VRK2: variants seen among roughly 807,000 people sequenced by gnomAD.
The protein encoded by VRK2 is serine/threonine-protein kinase VRK2.
A neutral mutation model predicts 57.6 loss-of-function variants in VRK2; 60 were observed. That is an observed-to-expected ratio of 1.04 (90% CI 0.85 to 1.29). VRK2 has a LOEUF of 1.29. VRK2 is among the 50% of genes most tolerant of loss of function. The pLI is 0.00. For synonymous variants in VRK2, 231 were observed against 199.2 expected, an observed-to-expected ratio of 1.16 and a Z score of -1.35; for missense variants, 705 against 588.1, an observed-to-expected ratio of 1.20 and a Z score of -2.06.
At chr2:58,114,150 GAGA>G (rs1320851721) in intron 7 of VRK2, among the ~76,000 whole-genome samples, 2 of 152,178 alleles carry the variant, frequency 1.3e-5, no homozygotes, top group African/African-American at 4.8e-5. Context: ...AATGGAATAA[GAGA>G]AGGAGAAAAA....
intron 2 of VRK2, among the ~76,000 whole-genome samples, chr2:58,075,591 A>C (rs1430193831): frequency 1.3e-5 from 2 of 152,142 alleles, no homozygotes; most frequent in East Asian, 3.9e-4. Context: ...GACTGGTACA[A>C]GATGGTATCT....
intron 1 of VRK2, among the ~76,000 whole-genome samples, chr2:57,945,231 G>C (rs1348552050): frequency 2.0e-5 from 3 of 152,028 alleles, no homozygotes; most frequent in Non-Finnish European, 4.4e-5. Context: ...ATTTATCTTT[G>C]ATATGCTCTA....
intron 1 of VRK2, among the ~76,000 whole-genome samples, chr2:57,929,564 C>T (rs1670652889): frequency 6.6e-6 from 1 of 152,154 alleles, no homozygotes; most frequent in Non-Finnish European, 1.5e-5. Flanking sequence ...TGTGGCTGAG[C>T]TGGTACCTAA....
intron 1 of VRK2, among the ~76,000 whole-genome samples, chr2:57,999,559 G>A (rs984319630): frequency 1.3e-4 from 19 of 151,992 alleles, no homozygotes; most frequent in Admixed American, 1.2e-3. Flanking sequence ...TCAGATGGGT[G>A]AACTTTTGAG....
intron 1 of VRK2, among the ~76,000 whole-genome samples, chr2:57,948,114 T>G (rs577845448): frequency 7.9e-5 from 12 of 152,312 alleles, no homozygotes; most frequent in African/African-American, 2.9e-4. Flanking sequence ...AAGGATGTTT[T>G]ATATTCAAAG....
intron 1 of VRK2, among the ~76,000 whole-genome samples, chr2:58,005,185 G>T (rs1673205337): frequency 6.6e-6 from 1 of 152,088 alleles, no homozygotes; most frequent in Admixed American, 6.6e-5. Flanking sequence ...GGATTTATAT[G>T]CAAAAACTAT....
intron 2 of VRK2, among the ~76,000 whole-genome samples, chr2:58,055,036 T>C (rs1176054784): frequency 3.9e-5 from 6 of 152,190 alleles, no homozygotes; most frequent in African/African-American, 9.6e-5. Flanking sequence ...AAGACATCCA[T>C]TGAAGGCCAG....
At chr2:58,081,207 A>G (rs530823757) in intron 2 of VRK2, among the ~76,000 whole-genome samples, 1 of 152,126 alleles carries the variant, frequency 6.6e-6, no homozygotes. Flanking sequence ...CACATGTAAT[A>G]CTATCAGCTA....
At chr2:58,125,642 T>G (rs1302352729) in intron 8 of VRK2, among the ~76,000 whole-genome samples, 1 of 152,082 alleles carries the variant, frequency 6.6e-6, no homozygotes, top group Non-Finnish European at 1.5e-5. Context: ...AAATAGTAGA[T>G]TTCCTTAATG....
At chr2:58,072,815 A>G (rs1357125199) in intron 2 of VRK2, among the ~76,000 whole-genome samples, 1 of 151,726 alleles carries the variant, frequency 6.6e-6, no homozygotes, top group Non-Finnish European at 1.5e-5. Flanking sequence ...TCTAGGAGAG[A>G]TTGTAGAGAA....
chr2:57,917,179 C>G (rs555417971), intron 1 of VRK2, among the ~76,000 whole-genome samples: 1 of 152,204 alleles, frequency 6.6e-6, no homozygotes, highest in East Asian at 1.9e-4. Context: ...AGAATACCAA[C>G]AACCTGGGAG....
At chr2:58,154,394 G>A (rs1683483696) in intron 12 of VRK2, among the ~76,000 whole-genome samples, 2 of 151,062 alleles carry the variant, frequency 1.3e-5, no homozygotes, top group African/African-American at 2.4e-5. Flanking sequence ...GTGATGCTTT[G>A]ATATATGTCT....
chr2:58,111,145 G>A (rs1675509013), intron 7 of VRK2, among the ~76,000 whole-genome samples: 1 of 152,206 alleles, frequency 6.6e-6, no homozygotes, highest in Non-Finnish European at 1.5e-5. Context: ...GAGGAGTCGA[G>A]AAGTTCACTA....
At chr2:58,021,848 A>G (rs1489569532) in intron 1 of VRK2, among the ~76,000 whole-genome samples, 1 of 152,128 alleles carries the variant, frequency 6.6e-6, no homozygotes, top group East Asian at 1.9e-4. Flanking sequence ...TATGATTGAA[A>G]GAAATTGTTC....
At chr2:57,991,565 A>G (rs1271245814) in intron 1 of VRK2, among the ~76,000 whole-genome samples, 1 of 152,166 alleles carries the variant, frequency 6.6e-6, no homozygotes, top group African/African-American at 2.4e-5. Flanking sequence ...GTTCATAGAC[A>G]TATAACATTC....
intron 1 of VRK2, among the ~76,000 whole-genome samples, chr2:57,985,510 T>C (rs1672568206): frequency 6.6e-6 from 1 of 152,084 alleles, no homozygotes; most frequent in South Asian, 2.1e-4. Flanking sequence ...TTATCAAACA[T>C]GTTTTAATAC....
intron 1 of VRK2, among the ~76,000 whole-genome samples, chr2:57,924,689 C>T (rs1470467870): frequency 6.6e-6 from 1 of 151,844 alleles, no homozygotes; most frequent in Non-Finnish European, 1.5e-5. Context: ...TTTAGATGCC[C>T]TTTACTTCTT....
intron 2 of VRK2, among the ~76,000 whole-genome samples, chr2:58,053,013 A>G (rs911920505): frequency 1.3e-5 from 2 of 152,192 alleles, no homozygotes; most frequent in African/African-American, 2.4e-5. Context: ...ACCATTTAGC[A>G]TCTTTGGAGT....
intron 2 of VRK2, among the ~76,000 whole-genome samples, chr2:58,069,312 T>G (rs1247262436): frequency 6.6e-6 from 1 of 152,186 alleles, no homozygotes; most frequent in African/African-American, 2.4e-5. Context: ...GACTTGGGTA[T>G]TGGTAGTTTA....
Sources: gnomAD v4.1 joint callset for allele counts (sites outside exome capture counted in the v4.1 genomes callset) on GRCh38, gnomAD v4.1.1 for gene constraint, MANE v1.5 for transcripts, NCBI Gene and HGNC (gene_info 2026-07-23, HGNC 2026-07-21) for gene names.